The following PDLIM5 variants were observed in gnomAD, a reference collection of about 807,000 sequenced individuals.
PDLIM5 encodes PDZ and LIM domain 5, also known as PDZ and LIM domain protein 5.
Under a neutral mutation model 64.2 loss-of-function variants are expected in PDLIM5, and 34 were observed. That is an observed-to-expected ratio of 0.53 (90% CI 0.40 to 0.71). The LOEUF (loss-of-function observed/expected upper bound fraction) is 0.71, where lower values mean the gene tolerates loss of function less well. Ranked by LOEUF, PDLIM5 falls within the 30% of genes least tolerant of loss-of-function variation. The probability of loss-of-function intolerance (pLI) is 0.00; values close to 1 mark genes in which losing one functional copy is unlikely to be tolerated. For synonymous variants in PDLIM5, 253 were observed against 269.1 expected, an observed-to-expected ratio of 0.94 and a Z score of 0.59; for missense variants, 683 against 733.6, an observed-to-expected ratio of 0.93 and a Z score of 0.80.
At chr4:94,546,864 G>A (rs1368757088) in intron 3 of PDLIM5, among the ~76,000 whole-genome samples, 2 of 151,162 alleles carry the variant, frequency 1.3e-5, no homozygotes, top group Non-Finnish European at 2.9e-5. Context: ...GAATATTCAA[G>A]GGATTTAAGG....
chr4:94,598,097 T>C (rs999898574), intron 7 of PDLIM5, among the ~76,000 whole-genome samples: 2 of 152,160 alleles, frequency 1.3e-5, no homozygotes, highest in Admixed American at 1.3e-4. Context: ...CAAAGAATAT[T>C]GTTTAAAGGA....
At chr4:94,493,932 C>G (rs72876229) in intron 2 of PDLIM5, among the ~76,000 whole-genome samples, 2,199 of 152,218 alleles carry the variant, frequency 0.014, 35 homozygotes, top group Middle Eastern at 0.044. Flanking sequence ...TTCTCTCCCT[C>G]TAATACATGT....
intron 3 of PDLIM5, among the ~76,000 whole-genome samples, chr4:94,571,686 A>G (rs1560711334): frequency 6.6e-6 from 1 of 152,188 alleles, no homozygotes; most frequent in Non-Finnish European, 1.5e-5. Flanking sequence ...ATCCTTTAAA[A>G]ATTATTGTTT....
At chr4:94,657,126 TATGAAATG>T (rs1455160822) in intron 10 of PDLIM5, among the ~76,000 whole-genome samples, 1 of 152,206 alleles carries the variant, frequency 6.6e-6, no homozygotes, top group Non-Finnish European at 1.5e-5. Context: ...AGCAAGCATT[TATGAAATG>T]CTTACTTTAT....
At chr4:94,478,891 T>TTTTTTTTG (rs1725580010) in intron 2 of PDLIM5, among the ~76,000 whole-genome samples, 1 of 32,058 alleles carries the variant, frequency 3.1e-5, no homozygotes, top group African/African-American at 1.8e-4. Context: ...GTGCTTGGTG[T>TTTTTTTTG]TTTTTTTTTT....
At chr4:94,568,951 A>G (rs960148423) in intron 3 of PDLIM5, among the ~76,000 whole-genome samples, 1 of 152,234 alleles carries the variant, frequency 6.6e-6, no homozygotes, top group Admixed American at 6.5e-5. Flanking sequence ...GATGAAGTCA[A>G]TTTGGGGTGT....
chr4:94,496,783 C>G (rs927366634), intron 2 of PDLIM5, among the ~76,000 whole-genome samples: 5 of 152,160 alleles, frequency 3.3e-5, no homozygotes, highest in African/African-American at 1.2e-4. Flanking sequence ...GTGAGCCACC[C>G]CGCCCAGCCC....
chr4:94,467,863 A>G (rs951037643), intron 2 of PDLIM5, among the ~76,000 whole-genome samples: 1 of 152,182 alleles, frequency 6.6e-6, no homozygotes, highest in African/African-American at 2.4e-5. Context: ...GGAATGAGTT[A>G]TATTTCCCTT....
At chr4:94,545,181 T>C (rs1445069284) in intron 3 of PDLIM5, among the ~76,000 whole-genome samples, 1 of 152,230 alleles carries the variant, frequency 6.6e-6, no homozygotes, top group African/African-American at 2.4e-5. Context: ...TTTTTAAAAA[T>C]ATAGTTCGAA....
intron 3 of PDLIM5, among the ~76,000 whole-genome samples, chr4:94,529,166 GC>G (rs1179179031): frequency 6.6e-6 from 1 of 152,168 alleles, no homozygotes; most frequent in Non-Finnish European, 1.5e-5. Flanking sequence ...TAGCTGGTTG[GC>G]CAGGGATCTA....
intron 8 of PDLIM5, among the ~76,000 whole-genome samples, chr4:94,618,962 C>G (rs1374814360): frequency 1.3e-5 from 2 of 152,134 alleles, no homozygotes; most frequent in East Asian, 3.9e-4. Context: ...CCTGGGTGAT[C>G]TCTCATCCAG....
chr4:94,609,355 CA>C (rs1400319689), intron 7 of PDLIM5, among the ~76,000 whole-genome samples: 5 of 152,154 alleles, frequency 3.3e-5, no homozygotes, highest in African/African-American at 1.2e-4. Context: ...TCACTACAGT[CA>C]TAATTATAGA....
chr4:94,576,641 A>C (rs1735288386), intron 5 of PDLIM5, among the ~76,000 whole-genome samples: 1 of 152,280 alleles, frequency 6.6e-6, no homozygotes, highest in Non-Finnish European at 1.5e-5. Context: ...AGAAAGCATT[A>C]GAAGCAAATT....
intron 9 of PDLIM5, among the ~76,000 whole-genome samples, chr4:94,643,157 T>G (rs1038013076): frequency 6.6e-6 from 1 of 152,174 alleles, no homozygotes; most frequent in African/African-American, 2.4e-5. Flanking sequence ...TAGAGCACAT[T>G]CAGTTTAAAA....
At chr4:94,517,411 T>C (rs757412693) in intron 2 of PDLIM5, among the ~76,000 whole-genome samples, 2 of 152,194 alleles carry the variant, frequency 1.3e-5, no homozygotes, top group African/African-American at 4.8e-5. Flanking sequence ...TACTGGAAAA[T>C]ATATTTTAAA....
intron 8 of PDLIM5, among the ~76,000 whole-genome samples, chr4:94,632,228 C>T (rs1171423792): frequency 1.3e-5 from 2 of 152,202 alleles, no homozygotes; most frequent in African/African-American, 2.4e-5. Context: ...TTGGTAGAGC[C>T]AGTGCATTGT....
intron 9 of PDLIM5, among the ~76,000 whole-genome samples, chr4:94,647,024 CT>C (rs1741469918): frequency 6.6e-6 from 1 of 152,152 alleles, no homozygotes. Context: ...CTAAAATCTC[CT>C]TTCCCATCCT....
rs1219754482 is a variant in PDLIM5 at position 94,660,916 on chromosome 4, T to TA, written c.1586-1497dup. On this transcript the variant is annotated intron_variant, in intron 11 of 12. Coordinates refer to ENST00000317968, the MANE Select transcript of PDLIM5 (RefSeq NM_006457.5). ...GGGGAAACCCTGTCTTTACTAAAAA[T>TA]AAAAAAAAATAAAAAAAATAGCCAG... Among the ~76,000 whole-genome samples, 22 of 65,108 alleles carry TA rather than the reference T, an allele frequency of 3.4e-4. No individual in the cohort carries two copies. The South Asian group carries it at 4.7e-3, about 14-fold the overall frequency. The allele number at this position is 65,108 out of a possible 152,430, so 42.7% of individuals were successfully genotyped here. A position where few individuals can be genotyped will look rare whatever the true frequency, so the allele number is the denominator to read the frequency against.
chr4:94,634,800 A>T (rs1243251903), intron 8 of PDLIM5, among the ~76,000 whole-genome samples: 1 of 152,204 alleles, frequency 6.6e-6, no homozygotes, highest in Admixed American at 6.5e-5. Context: ...GTGAGAAAAC[A>T]TCTGTTTTCA....
Sources: gnomAD v4.1 joint callset for allele counts (sites outside exome capture counted in the v4.1 genomes callset) on GRCh38, gnomAD v4.1.1 for gene constraint, MANE v1.5 for transcripts, NCBI Gene and HGNC (gene_info 2026-07-23, HGNC 2026-07-21) for gene names.